FYB2: variants seen among roughly 807,000 people sequenced by gnomAD.
FYB2 encodes FYN-binding protein 2.
In FYB2, 103 loss-of-function variants were observed where a neutral mutation model predicts 94.1. The observed-to-expected ratio is 1.09, with a 90% confidence interval of 0.93 to 1.29. The LOEUF (loss-of-function observed/expected upper bound fraction) is 1.29. FYB2 is among the 50% of genes most tolerant of loss of function. The pLI, the probability that FYB2 is intolerant of heterozygous loss-of-function variation, is 0.00. For synonymous variants in FYB2, 293 were observed against 287.9 expected, an observed-to-expected ratio of 1.02 and a Z score of -0.18; for missense variants, 896 against 841.5, an observed-to-expected ratio of 1.06 and a Z score of -0.80.
At chr1:56,731,912 G>GC (rs1169843089) in intron 15 of FYB2, 9 of 152,050 alleles carry the variant, frequency 5.9e-5, no homozygotes, top group Admixed American at 2.6e-4. Flanking sequence ...AAAGCTTCCA[G>GC]CTTTTCTGGA....
chr1:56,769,908 A>T (rs1645715278), intron 4 of FYB2, among the ~76,000 whole-genome samples: 1 of 152,180 alleles, frequency 6.6e-6, no homozygotes, highest in Admixed American at 6.5e-5. Context: ...TATATTTTTT[A>T]AAAGCAGCAG....
upstream of FYB2, among the ~76,000 whole-genome samples, chr1:56,823,384 G>C (rs925528962): frequency 6.6e-6 from 1 of 152,114 alleles, no homozygotes; most frequent in Admixed American, 6.5e-5. Flanking sequence ...GGAAGGGATG[G>C]ATAATCAGGA....
chr1:56,791,727 T>C (rs1308324732), intron 2 of FYB2, among the ~76,000 whole-genome samples: 1 of 152,194 alleles, frequency 6.6e-6, no homozygotes, highest in Non-Finnish European at 1.5e-5. Context: ...CCAAGACAGA[T>C]GATTGGTGAC....
intron 14 of FYB2, 71 bp from the exon 15 acceptor site, chr1:56,737,218 A>G: frequency 1.8e-6 from 2 of 1,136,464 alleles, no homozygotes; most frequent in Non-Finnish European, 1.3e-6. Flanking sequence ...TTTCCAAATT[A>G]TACTCAATTA....
chr1:56,753,653 A>G (rs1020591615), intron 8 of FYB2, among the ~76,000 whole-genome samples, 186 bp downstream of exon 8: 1 of 152,060 alleles, frequency 6.6e-6, no homozygotes, highest in Non-Finnish European at 1.5e-5. Flanking sequence ...CTTCATGGCT[A>G]AAAAGTGGAA....
intron 15 of FYB2, among the ~76,000 whole-genome samples, chr1:56,729,581 C>T (rs1284665481): frequency 6.6e-6 from 1 of 152,050 alleles, no homozygotes; most frequent in East Asian, 1.9e-4. Flanking sequence ...AGTTGGGAGA[C>T]TTCAACATCC....
At chr1:56,815,977 T>C (rs1646873693) in intron 1 of FYB2, among the ~76,000 whole-genome samples, 1 of 152,194 alleles carries the variant, frequency 6.6e-6, no homozygotes, top group Non-Finnish European at 1.5e-5. Context: ...TTTTTGGGTG[T>C]CTAAACTATA....
intron 1 of FYB2, among the ~76,000 whole-genome samples, chr1:56,806,404 G>A (rs1288376727): frequency 6.6e-6 from 1 of 152,182 alleles, no homozygotes; most frequent in African/African-American, 2.4e-5. Context: ...GCATTTCAAA[G>A]ACCTGAACCT....
At chr1:56,797,904 C>T (rs1344287072) in intron 1 of FYB2, among the ~76,000 whole-genome samples, 1 of 152,120 alleles carries the variant, frequency 6.6e-6, no homozygotes, top group East Asian at 1.9e-4. Flanking sequence ...AGAATGTAAA[C>T]TCTTTGAAGG....
At position 56,792,416 on chromosome 1, in the gene FYB2, C is replaced by T. The variant is rs781546388; in HGVS notation, c.397G>A (p.Ala133Thr). The stretch of plus-strand genomic sequence containing the variant: ...CAGAGTTTGTTTCTGAAGCTATTGG[C>T]CACCATTACTTTTTCCTTAGTGATT... ...EIITKEKVMV[A>T]NSFRNKLWNW... Residue 133 changes from alanine to threonine, a missense_variant, in exon 2 of 20, where the codon GCC becomes ACC. Ala to Thr is a moderately conservative substitution (Grantham distance 58). Coordinates refer to ENST00000343433, the MANE Select transcript of FYB2 (RefSeq NM_001004303.5). 1 of 1,614,144 alleles carries T rather than the reference C, an allele frequency of 6.2e-7. No homozygotes were observed.
At chr1:56,800,491 T>C (rs1646494705) in intron 1 of FYB2, among the ~76,000 whole-genome samples, 1 of 152,002 alleles carries the variant, frequency 6.6e-6, no homozygotes, top group African/African-American at 2.4e-5. Flanking sequence ...ATAAATTAAT[T>C]AATTAAATAA....
At chr1:56,766,886 C>T (rs1294440972) in intron 5 of FYB2, among the ~76,000 whole-genome samples, 2 of 152,112 alleles carry the variant, frequency 1.3e-5, no homozygotes, top group Non-Finnish European at 2.9e-5. Flanking sequence ...AGTTTTTAGC[C>T]CTGCTTTCAG....
chr1:56,731,536 C>G (rs1569879466), intron 15 of FYB2, among the ~76,000 whole-genome samples: 1 of 152,034 alleles, frequency 6.6e-6, no homozygotes, highest in South Asian at 2.1e-4. Context: ...AGGGAAGTAT[C>G]AGGCTGGGGA....
intron 15 of FYB2, among the ~76,000 whole-genome samples, chr1:56,733,234 T>C (rs961556144): frequency 1.3e-5 from 2 of 152,140 alleles, no homozygotes; most frequent in Non-Finnish European, 2.9e-5. Context: ...GTGTTTATAG[T>C]ATTCTGATGG....
At chr1:56,749,725 T>G (rs902589407) in intron 9 of FYB2, among the ~76,000 whole-genome samples, 7 of 151,986 alleles carry the variant, frequency 4.6e-5, no homozygotes, top group Admixed American at 6.6e-5. Context: ...TTTTTGACTA[T>G]CAATTGTTAA....
At chr1:56,739,732 T>C (rs993637579) in intron 13 of FYB2, among the ~76,000 whole-genome samples, 4 of 152,090 alleles carry the variant, frequency 2.6e-5, no homozygotes, top group African/African-American at 9.7e-5. Flanking sequence ...CAGTACAGTA[T>C]TCAATAAATT....
chr1:56,719,527 T>C lies in FYB2; in HGVS notation c.*144A>G, dbSNP rs1644445492. 1.5e-6 allele frequency: 1 copy of C among 666,870 alleles called. No homozygotes were observed. Among genetic ancestry groups the C allele is most frequent in the Non-Finnish European group, 2.4e-6 (1 of 409,284 alleles). The allele number at this position is 666,870 out of a possible 1,614,324, so 41.3% of individuals were successfully genotyped here. ...AATGTTGAGGATTTGTTTTTATTTTTCTCTTTTAAGTTCAGAACGAAAGTT... is the reference window on the plus strand; with the variant it reads ...AATGTTGAGGATTTGTTTTTATTTTCCTCTTTTAAGTTCAGAACGAAAGTT... On this transcript the variant is annotated 3_prime_UTR_variant, in exon 20 of 20. Coordinates refer to ENST00000343433, the MANE Select transcript of FYB2 (RefSeq NM_001004303.5).
At chr1:56,789,933 T>C (rs1200534949) in intron 2 of FYB2, among the ~76,000 whole-genome samples, 1 of 152,190 alleles carries the variant, frequency 6.6e-6, no homozygotes, top group Admixed American at 6.5e-5. Flanking sequence ...AGCCTAGGAC[T>C]GGCTTCAAGG....
At position 56,818,961 on chromosome 1, in the gene FYB2, C is replaced by T. The variant is rs529182656; in HGVS notation, c.9+321G>A. 1.2e-4 allele frequency among the ~76,000 whole-genome samples: 18 copies of T among 152,260 alleles called. No homozygotes were observed. The South Asian group carries it at 3.3e-3, about 28-fold the overall frequency. ...GCAAGTAAACACAGAGAGAAGCCAG[C>T]GGGCGCTTCAACGGAGGATCTGGGA... On this transcript the variant is annotated intron_variant, in intron 1 of 19. Coordinates refer to ENST00000343433, the MANE Select transcript of FYB2 (RefSeq NM_001004303.5).
Sources: gnomAD v4.1 joint callset for allele counts (sites outside exome capture counted in the v4.1 genomes callset) on GRCh38, gnomAD v4.1.1 for gene constraint, MANE v1.5 for transcripts, NCBI Gene and HGNC (gene_info 2026-07-23, HGNC 2026-07-21) for gene names.